MAD1L1: variants seen among roughly 807,000 people sequenced by gnomAD.
The protein encoded by MAD1L1 is mitotic spindle assembly checkpoint protein MAD1.
In MAD1L1, 95 loss-of-function variants were observed where a neutral mutation model predicts 96.9. The ratio of observed to expected loss-of-function variants is 0.98; its 90% CI spans 0.83 to 1.16. The LOEUF (loss-of-function observed/expected upper bound fraction) is 1.16, where lower values mean the gene tolerates loss of function less well. Ranked by LOEUF, MAD1L1 falls within the 50% of genes most tolerant of loss-of-function variation. The probability of loss-of-function intolerance (pLI) is 0.00; values close to 1 mark genes in which losing one functional copy is unlikely to be tolerated. For synonymous variants in MAD1L1, 473 were observed against 396.6 expected (o/e 1.19, Z -2.29); for missense variants, 1,007 against 954.4 (o/e 1.06, Z -0.73).
At chr7:2,020,966 A>G (rs188644794) in intron 12 of MAD1L1, among the ~76,000 whole-genome samples, 1 of 152,328 alleles carries the variant, frequency 6.6e-6, no homozygotes, top group East Asian at 1.9e-4. Context: ...TAGGAATAAA[A>G]ATAAAGATGA....
At chr7:1,817,837 T>G (rs1348775507) in intron 18 of MAD1L1, among the ~76,000 whole-genome samples, 1 of 152,022 alleles carries the variant, frequency 6.6e-6, no homozygotes, top group Admixed American at 6.5e-5. Flanking sequence ...GCAGCTCCCC[T>G]GTCCACCGGA....
intron 10 of MAD1L1, among the ~76,000 whole-genome samples, chr7:2,161,395 A>T (rs982750728): frequency 3.3e-5 from 5 of 151,696 alleles, no homozygotes; most frequent in African/African-American, 1.2e-4. Flanking sequence ...ACGGAGTCTC[A>T]CTCACTCAGT....
chr7:2,104,401 G>T (rs1584330267), intron 11 of MAD1L1, among the ~76,000 whole-genome samples: 1 of 152,258 alleles, frequency 6.6e-6, no homozygotes, highest in Non-Finnish European at 1.5e-5. Flanking sequence ...GGGGGACGCA[G>T]TCTGGCATGT....
chr7:1,891,749 T>C (rs1331985673), intron 18 of MAD1L1, among the ~76,000 whole-genome samples: 1 of 152,010 alleles, frequency 6.6e-6, no homozygotes, highest in Admixed American at 6.5e-5. Context: ...CCTGGCTAAG[T>C]TTTAAATATT....
At chr7:2,041,744 CCT>C (rs1420656914) in intron 12 of MAD1L1, among the ~76,000 whole-genome samples, 1 of 152,198 alleles carries the variant, frequency 6.6e-6, no homozygotes, top group Non-Finnish European at 1.5e-5. Flanking sequence ...GGTCACTAAC[CCT>C]CTCTTTGCCC....
At chr7:1,904,856 T>C (rs1412510764) in intron 17 of MAD1L1, among the ~76,000 whole-genome samples, 1 of 117,878 alleles carries the variant, frequency 8.5e-6, no homozygotes, top group Non-Finnish European at 1.7e-5. Context: ...TGGAAGACGC[T>C]CTTGCAGAAC....
chr7:2,002,104 G>T lies in MAD1L1; in HGVS notation c.1377C>A (p.Ala459=). 1 of 1,613,204 alleles carries T rather than the reference G, an allele frequency of 6.2e-7. No individual in the cohort carries two copies. Among genetic ancestry groups the T allele is most frequent in the Non-Finnish European group, 8.5e-7 (1 of 1,180,012 alleles). Residue 459 remains alanine (A), a synonymous_variant, in exon 14 of 19, where the codon GCC becomes GCA. Coordinates refer to ENST00000265854, the MANE Select transcript of MAD1L1 (RefSeq NM_001013836.2). ...SAEMEAQLSQ[A]LEELGGQKQR... is the part of the protein sequence containing the mutation. The stretch of plus-strand genomic sequence containing the variant: ...GTTTCTGGCCTCCCAGCTCCTCCAG[G>T]GCCTGCGACAGCTGAGCCTGCAAGA...
intron 12 of MAD1L1, among the ~76,000 whole-genome samples, chr7:2,061,534 C>T (rs1032658685): frequency 6.6e-6 from 1 of 152,136 alleles, no homozygotes; most frequent in South Asian, 2.1e-4. Context: ...AGGGAGAAAA[C>T]CAAAGGCAGG....
chr7:2,056,783 C>A (rs1241346491), intron 12 of MAD1L1, among the ~76,000 whole-genome samples: 2 of 152,238 alleles, frequency 1.3e-5, no homozygotes, highest in Non-Finnish European at 2.9e-5. Context: ...GAAACCTACA[C>A]AAGCGGCCGA....
chr7:1,978,873 T>C (rs1780766876), intron 15 of MAD1L1, among the ~76,000 whole-genome samples: 1 of 152,144 alleles, frequency 6.6e-6, no homozygotes, highest in South Asian at 2.1e-4. Flanking sequence ...ACTCAGTATC[T>C]GAACACTTGA....
intron 18 of MAD1L1, among the ~76,000 whole-genome samples, chr7:1,827,633 CGGGTGTGGGGGCCTCCCCTCCT>C (rs1782486398): frequency 9.2e-6 from 1 of 108,280 alleles, no homozygotes; most frequent in Non-Finnish European, 2.1e-5. Context: ...GAGCCCCGCC[CGGGTGTGGGGGCCTCCCCTCCT>C]GAGCCCGGCC....
chr7:1,871,214 A>G (rs1385620634), intron 18 of MAD1L1, among the ~76,000 whole-genome samples: 2 of 122,708 alleles, frequency 1.6e-5, no homozygotes, highest in Non-Finnish European at 3.4e-5. Context: ...CCACCGTAAC[A>G]CCTGCCACGC....
chr7:1,827,956 C>T (rs1212801980), intron 18 of MAD1L1, among the ~76,000 whole-genome samples: 11 of 152,178 alleles, frequency 7.2e-5, no homozygotes, highest in Admixed American at 7.2e-4. Context: ...TCGTGGAGCG[C>T]CACGCTTAGG....
intron 12 of MAD1L1, among the ~76,000 whole-genome samples, chr7:2,042,438 C>T (rs979999946): frequency 2.0e-5 from 3 of 152,212 alleles, no homozygotes; most frequent in African/African-American, 7.2e-5. Context: ...AGAACCCTGG[C>T]GTTTAGAATC....
intron 16 of MAD1L1, among the ~76,000 whole-genome samples, chr7:1,954,583 G>A (rs1267425253): frequency 6.6e-6 from 1 of 152,284 alleles, no homozygotes; most frequent in East Asian, 1.9e-4. Flanking sequence ...GACTCCTGCG[G>A]CTGCACCAAT....
Position 2,229,314 on chromosome 7 carries a change from T to G in MAD1L1, c.150+670A>C, listed in dbSNP as rs1425502637. On this transcript the variant is annotated intron_variant, in intron 3 of 18. Coordinates refer to ENST00000265854, the MANE Select transcript of MAD1L1 (RefSeq NM_001013836.2). ...TAGCCAGCACTCCACTCCCCACCAC[T>G]CCCTACAACTTGGGGGCCCCATTAT... Among the ~76,000 whole-genome samples the G allele has an allele frequency of 2.0e-5, 3 of 152,026 alleles. No individual in the cohort carries two copies. The East Asian group carries it at 5.8e-4, about 30-fold the overall frequency.
chr7:1,846,283 G>A (rs1410881693), intron 18 of MAD1L1: 2 of 152,634 alleles, frequency 1.3e-5, no homozygotes, highest in Non-Finnish European at 2.9e-5. Flanking sequence ...TCCTGGGCCT[G>A]GAACACTGCC....
At chr7:1,852,086 CCT>C in intron 18 of MAD1L1, among the ~76,000 whole-genome samples, 1 of 152,194 alleles carries the variant, frequency 6.6e-6, no homozygotes, top group Non-Finnish European at 1.5e-5. Flanking sequence ...GAGGGGCCCT[CCT>C]GAGGCCCGAG....
chr7:2,119,240 CCCCAAAACAAGTGA>C lies in MAD1L1; in HGVS notation c.1073+29898_1073+29911del. Among the ~76,000 whole-genome samples the C allele has an allele frequency of 1.3e-5, 2 of 152,276 alleles. No individual in the cohort carries two copies. Among genetic ancestry groups the C allele is most frequent in the East Asian group, 3.9e-4 (2 of 5,178 alleles). On this transcript the variant is annotated intron_variant, in intron 11 of 18. Transcript: ENST00000265854. The surrounding 1 kb of genome is among the most constrained non-coding windows in gnomAD (Gnocchi z 4.6). ...GCCCTCCTCTCCCTCTCCATTATCCCCCCAAAACAAGTGACCAAAGGAGTGCCCCGCCCCTGGTT... is the reference window on the plus strand; with the variant it reads ...GCCCTCCTCTCCCTCTCCATTATCCCCCAAAGGAGTGCCCCGCCCCTGGTT...
Sources: gnomAD v4.1 joint callset for allele counts (sites outside exome capture counted in the v4.1 genomes callset) on GRCh38, gnomAD v4.1.1 for gene constraint, Gnocchi (gnomAD v3.1) non-coding constraint, MANE v1.5 for transcripts, NCBI Gene and HGNC (gene_info 2026-07-23, HGNC 2026-07-21) for gene names.